Variants in TYW1B observed in about 807,000 individuals in gnomAD.
TYW1B encodes tRNA-yW synthesizing protein 1 homolog B.
TYW1B carries 73 observed loss-of-function variants against 86.9 expected under a neutral mutation model. The observed-to-expected ratio is 0.84, with a 90% CI of 0.70 to 1.02. The LOEUF (loss-of-function observed/expected upper bound fraction) is 1.02. Ranked by LOEUF, TYW1B falls within the 50% of genes least tolerant of loss-of-function variation. The probability of loss-of-function intolerance (pLI) is 0.00; values close to 1 mark genes in which losing one functional copy is unlikely to be tolerated. For synonymous variants in TYW1B, 248 were observed against 292.8 expected, an observed-to-expected ratio of 0.85 and a Z score of 1.56; for missense variants, 637 against 827.4, an observed-to-expected ratio of 0.77 and a Z score of 2.82.
At chr7:72,626,032 A>G (rs1386670113) in intron 12 of TYW1B, among the ~76,000 whole-genome samples, 3 of 151,966 alleles carry the variant, frequency 2.0e-5, no homozygotes, top group African/African-American at 7.3e-5. Flanking sequence ...AAACACCACT[A>G]ATCTCTGATG....
chr7:72,635,750 A>C (rs1812651336), intron 11 of TYW1B, among the ~76,000 whole-genome samples: 1 of 152,228 alleles, frequency 6.6e-6, no homozygotes, highest in African/African-American at 2.4e-5. Flanking sequence ...GTGTTGCTCA[A>C]TAGAAATATA....
intron 7 of TYW1B, among the ~76,000 whole-genome samples, chr7:72,758,977 G>T (rs142278656): frequency 6.6e-6 from 1 of 151,978 alleles, no homozygotes; most frequent in Admixed American, 6.6e-5. Flanking sequence ...TGCTTCTTTC[G>T]GAAAACTTTC....
At chr7:72,746,941 C>T (rs556911224) in intron 7 of TYW1B, among the ~76,000 whole-genome samples, 27 of 152,274 alleles carry the variant, frequency 1.8e-4, no homozygotes, top group Non-Finnish European at 2.6e-4. Flanking sequence ...GTCTGTGATC[C>T]ATTTTGAATT....
chr7:72,697,031 TAAAAA>T (rs781801843), intron 10 of TYW1B, among the ~76,000 whole-genome samples: 18 of 137,946 alleles, frequency 1.3e-4, no homozygotes, highest in African/African-American at 4.7e-4. Flanking sequence ...GATTTCTACT[TAAAAA>T]AAAAAAAAAA....
At chr7:72,759,012 T>A (rs992530035) in intron 7 of TYW1B, among the ~76,000 whole-genome samples, 1 of 152,132 alleles carries the variant, frequency 6.6e-6, no homozygotes, top group African/African-American at 2.4e-5. Context: ...ATGTTCTGGA[T>A]AATGGGCACA....
chr7:72,789,842 C>G (rs1263494765), intron 6 of TYW1B, among the ~76,000 whole-genome samples: 1 of 150,428 alleles, frequency 6.6e-6, no homozygotes, highest in Non-Finnish European at 1.5e-5. Flanking sequence ...ATAGATGAAA[C>G]ACAGTGTACA....
At position 72,795,251 on chromosome 7, in the gene TYW1B, A is replaced by C. The variant is rs561710201; in HGVS notation, c.846+7149T>G. ...CTCCAAAAAAAATAAAATAAAAATAAAACAAAAAAATCCACTGCAAATTTC... is the reference window on the plus strand; with the variant it reads ...CTCCAAAAAAAATAAAATAAAAATACAACAAAAAAATCCACTGCAAATTTC... On this transcript the variant is annotated intron_variant, in intron 6 of 13. Transcript: ENST00000620995. 6.5e-3 allele frequency among the ~76,000 whole-genome samples: 983 copies of C among 152,158 alleles called. 5 individuals carry two copies. The highest frequency in any genetic ancestry group is 0.012 in the Admixed American group (176 of 15,244).
At chr7:72,641,491 A>C (rs1258015338) in intron 11 of TYW1B, among the ~76,000 whole-genome samples, 2 of 152,186 alleles carry the variant, frequency 1.3e-5, no homozygotes, top group Non-Finnish European at 2.9e-5. Context: ...TACCAAACCA[A>C]ATACAACATC....
rs187864330 is a variant in TYW1B at position 72,604,264 on chromosome 7, G to A, written c.1785+12408C>T. Among the ~76,000 whole-genome samples, 744 of 152,116 alleles carry A rather than the reference G, an allele frequency of 4.9e-3. 4 individuals are homozygous for A. Among genetic ancestry groups the A allele is most frequent in the Admixed American group, 0.011 (164 of 15,256 alleles). ...GATCACTTGAGGTCAGGAGTTCAAG[G>A]CCAGACTAGCCAACATGGTGAAACC... is the stretch of plus-strand genomic sequence containing the variant. On this transcript the variant is annotated intron_variant, in intron 13 of 13. Transcript: ENST00000620995.
intron 6 of TYW1B, among the ~76,000 whole-genome samples, chr7:72,781,377 G>C (rs1359794837): frequency 6.6e-6 from 1 of 152,052 alleles, no homozygotes; most frequent in African/African-American, 2.4e-5. Context: ...ACCTCCTGGC[G>C]TCACTTCGTT....
intron 11 of TYW1B, among the ~76,000 whole-genome samples, chr7:72,665,036 G>A (rs1340413605): frequency 6.6e-6 from 1 of 152,070 alleles, no homozygotes; most frequent in Non-Finnish European, 1.5e-5. Flanking sequence ...TTTTCAATGT[G>A]TGGTTGGTTG....
chr7:72,665,981 T>C (rs374187145), intron 11 of TYW1B, among the ~76,000 whole-genome samples: 21 of 152,172 alleles, frequency 1.4e-4, no homozygotes, highest in African/African-American at 4.8e-4. Context: ...TCTATCACTA[T>C]GAAGAAATAG....
chr7:72,615,212 G>GA (rs1214504143), intron 13 of TYW1B, among the ~76,000 whole-genome samples: 3 of 152,230 alleles, frequency 2.0e-5, no homozygotes, highest in Non-Finnish European at 2.9e-5. Context: ...ATCCTCATGG[G>GA]AAAAGAGAAG....
At chr7:72,755,295 T>C (rs912904681) in intron 7 of TYW1B, among the ~76,000 whole-genome samples, 3 of 151,996 alleles carry the variant, frequency 2.0e-5, no homozygotes, top group Admixed American at 2.0e-4. Flanking sequence ...GGTGCGCACC[T>C]ATAGTCCCAG....
At chr7:72,616,922 T>A in intron 12 of TYW1B, 83 bp from the exon 13 acceptor site, 3 of 1,566,630 alleles carry the variant, frequency 1.9e-6, no homozygotes, top group Non-Finnish European at 2.6e-6. Context: ...AAAGCCTTCT[T>A]GAGGTCAACC....
chr7:72,769,060 G>C (rs1420079769), intron 7 of TYW1B: 7 of 372,816 alleles, frequency 1.9e-5, no homozygotes, highest in Non-Finnish European at 3.1e-5. Context: ...TTATGGGATG[G>C]TGCAAGGAAC....
intron 11 of TYW1B, among the ~76,000 whole-genome samples, chr7:72,688,251 T>C (rs1412324866): frequency 6.6e-6 from 1 of 152,206 alleles, no homozygotes; most frequent in African/African-American, 2.4e-5. Context: ...GCTATGCAAT[T>C]CTTTAAGCTG....
At chr7:72,756,415 A>G (rs982527595) in intron 7 of TYW1B, among the ~76,000 whole-genome samples, 3 of 149,278 alleles carry the variant, frequency 2.0e-5, no homozygotes, top group Non-Finnish European at 4.5e-5. Context: ...TTTTTTTTTT[A>G]GTAGAGACGG....
At chr7:72,812,326 G>A (rs1554478507) in intron 3 of TYW1B, among the ~76,000 whole-genome samples, 1 of 152,110 alleles carries the variant, frequency 6.6e-6, no homozygotes, top group Non-Finnish European at 1.5e-5. Flanking sequence ...CCCATCACAG[G>A]AGGTCAGGTG....
Sources: allele counts gnomAD v4.1 joint callset (sites outside exome capture counted in the v4.1 genomes callset), GRCh38; gene constraint gnomAD v4.1.1; transcripts MANE v1.5; gene names NCBI Gene and HGNC (gene_info 2026-07-23, HGNC 2026-07-21).